Variants in FOXP2 observed in about 807,000 individuals in gnomAD.
The protein encoded by FOXP2 is forkhead box protein P2.
In FOXP2, 12 loss-of-function variants were observed where a neutral mutation model predicts 115.8. The ratio of observed to expected loss-of-function variants is 0.10; its 90% CI spans 0.07 to 0.17. The LOEUF (loss-of-function observed/expected upper bound fraction) is 0.17. Among genes scored for constraint, FOXP2 ranks in the 10% least tolerant of loss-of-function variants. The pLI is 1.00. For synonymous variants in FOXP2, 328 were observed against 297.7 expected (o/e 1.10, Z -1.05); for missense variants, 629 against 843.5 (o/e 0.75, Z 3.15).
At chr7:114,576,798 A>T (rs1170704433) in intron 3 of FOXP2, among the ~76,000 whole-genome samples, 1 of 151,980 alleles carries the variant, frequency 6.6e-6, no homozygotes, top group Non-Finnish European at 1.5e-5. Flanking sequence ...ATTTCTAAAC[A>T]TCGCTTAAGG....
At chr7:114,384,382 T>C (rs551858561) in intron 2 of FOXP2, among the ~76,000 whole-genome samples, 22 of 152,190 alleles carry the variant, frequency 1.4e-4, no homozygotes, top group Non-Finnish European at 2.8e-4. Context: ...AGGATTGAGA[T>C]AGTCTTTTGA....
chr7:114,145,827 A>C (rs1043827106), intron 1 of FOXP2, among the ~76,000 whole-genome samples: 2 of 152,206 alleles, frequency 1.3e-5, no homozygotes, highest in Admixed American at 1.3e-4. Flanking sequence ...AAAAATTTCT[A>C]TTTTAAATTA....
intron 1 of FOXP2, among the ~76,000 whole-genome samples, chr7:114,265,787 C>A (rs980548145): frequency 2.6e-5 from 4 of 152,118 alleles, no homozygotes; most frequent in African/African-American, 9.7e-5. Context: ...GCACTCTGTG[C>A]ACCCACAGGC....
In FOXP2 at chr7:114,692,542, C is replaced by T. The variant is rs1808719285; in HGVS notation, c.*2616C>T. ...TTCTAAGAAAAATGTTGCTTTAATG[C>T]ATTTCATGAATTTTTACTCTTATAT... On this transcript the variant is annotated 3_prime_UTR_variant, in exon 17 of 17. Transcript: ENST00000350908. 1 of 453,938 alleles carries T rather than the reference C, an allele frequency of 2.2e-6. No individual in the cohort carries two copies. The highest frequency in any genetic ancestry group is 7.0e-5 in the East Asian group (1 of 14,388). 28.1% of individuals were successfully genotyped at this position (453,938 alleles called of 1,614,324 possible). A position where few individuals can be genotyped will look rare whatever the true frequency, so the allele number is the denominator to read the frequency against.
chr7:114,664,383 T>G lies in FOXP2; in HGVS notation c.1950T>G (p.Asp650Glu). The change falls in exon 16 of 17, where the codon GAT becomes GAG. Residue 650 changes from aspartate (D) to glutamate (E), a missense_variant. Coordinates refer to ENST00000350908, the MANE Select transcript of FOXP2 (RefSeq NM_014491.4). ...AVHEDLNGSL[D>E]HIDSNGNSSP... ...ACGAAGACCTCAATGGTTCTCTGGA[T>G]CACATTGACAGCAATGGAAACAGTA... 6.2e-7 allele frequency: 1 copy of G among 1,613,620 alleles called. No homozygotes were observed. The highest frequency in any genetic ancestry group is 1.1e-5 in the South Asian group (1 of 91,080).
At chr7:114,402,747 C>T (rs1176827753) in intron 2 of FOXP2, among the ~76,000 whole-genome samples, 1 of 151,976 alleles carries the variant, frequency 6.6e-6, no homozygotes, top group East Asian at 1.9e-4. Flanking sequence ...CCGCCTCAGC[C>T]CCCTGAGTAG....
intron 2 of FOXP2, among the ~76,000 whole-genome samples, chr7:114,457,889 C>T (rs992660340): frequency 1.6e-5 from 2 of 127,266 alleles, no homozygotes; most frequent in African/African-American, 3.0e-5. Flanking sequence ...AGCGAGACTC[C>T]GTCTCAAAAA....
chr7:114,520,424 C>T (rs1425776912), intron 2 of FOXP2, among the ~76,000 whole-genome samples: 2 of 152,086 alleles, frequency 1.3e-5, no homozygotes, highest in African/African-American at 2.4e-5. Flanking sequence ...GACTTAAAAG[C>T]AACACTATCA....
In FOXP2 at chr7:114,693,596, A is replaced by G; in HGVS notation, c.*3670A>G. The G allele has an allele frequency of 2.2e-6, 1 of 453,140 alleles. No individual in the cohort carries two copies. Among genetic ancestry groups the G allele is most frequent in the South Asian group, 1.6e-5 (1 of 64,216 alleles). The allele number at this position is 453,140 out of a possible 1,614,324, so 28.1% of individuals were successfully genotyped here. On this transcript the variant is annotated 3_prime_UTR_variant, in exon 17 of 17. Coordinates refer to ENST00000350908, the MANE Select transcript of FOXP2 (RefSeq NM_014491.4). ...CAACGAAAGGTTTTTTTGTCCATGA[A>G]CACTTGGCATATCTTACTTAGCAAA...
intron 1 of FOXP2, among the ~76,000 whole-genome samples, chr7:114,247,616 T>C (rs1345468607): frequency 6.6e-6 from 1 of 152,182 alleles, no homozygotes; most frequent in Non-Finnish European, 1.5e-5. Context: ...TGAATGGCAG[T>C]CTTATGTCCA....
intron 2 of FOXP2, among the ~76,000 whole-genome samples, chr7:114,494,359 T>C (rs1797212890): frequency 2.0e-5 from 3 of 152,302 alleles, no homozygotes; most frequent in African/African-American, 7.2e-5. Context: ...TTCTTGTTTG[T>C]ATGTTTATGA....
intron 6 of FOXP2, among the ~76,000 whole-genome samples, chr7:114,634,066 T>A (rs1349316069): frequency 6.6e-6 from 1 of 151,852 alleles, no homozygotes; most frequent in East Asian, 1.9e-4. Flanking sequence ...GCTAACTTAG[T>A]TCACTGCAAC....
intron 2 of FOXP2, among the ~76,000 whole-genome samples, chr7:114,312,867 A>T (rs1420143386): frequency 6.6e-6 from 1 of 152,182 alleles, no homozygotes; most frequent in Admixed American, 6.5e-5. Context: ...CACACTGTAA[A>T]CACAACCCTG....
intron 1 of FOXP2, among the ~76,000 whole-genome samples, chr7:114,208,175 G>C (rs746616610): frequency 2.0e-5 from 3 of 152,142 alleles, no homozygotes; most frequent in Admixed American, 6.5e-5. Flanking sequence ...AAAGCAACAG[G>C]GGAAGAGCTG....
rs190629672 is a variant in FOXP2 at position 114,389,539 on chromosome 7, T to C, written c.-10-36963T>C. On this transcript the variant is annotated intron_variant, in intron 2 of 17. Coordinates refer to the FOXP2 transcript ENST00000634411. ...CAAAAAGAGAACTTACATGAAAACA[T>C]AGGACTTTTTTTTCATAGGAAACTA... Among the ~76,000 whole-genome samples, 253 of 152,246 alleles carry C rather than the reference T, an allele frequency of 1.7e-3. 2 individuals are homozygous for C. Among genetic ancestry groups the C allele is most frequent in the Admixed American group, 7.2e-3 (110 of 15,310 alleles).
chr7:114,464,540 T>C (rs1271501541), intron 2 of FOXP2, among the ~76,000 whole-genome samples: 1 of 152,172 alleles, frequency 6.6e-6, no homozygotes, highest in African/African-American at 2.4e-5. Context: ...ATAATGTAGT[T>C]GGGTAGATCA....
intron 1 of FOXP2, among the ~76,000 whole-genome samples, chr7:114,144,313 T>G (rs1792304804): frequency 6.6e-6 from 1 of 152,178 alleles, no homozygotes; most frequent in Non-Finnish European, 1.5e-5. Context: ...ATTTACAAAT[T>G]AAACTATATA....
chr7:114,650,343 GT>G (rs1806178551), intron 8 of FOXP2, among the ~76,000 whole-genome samples: 1 of 151,706 alleles, frequency 6.6e-6, no homozygotes, highest in African/African-American at 2.4e-5. Flanking sequence ...CCTAATCTCA[GT>G]GTATAACTGA....
chr7:114,492,859 G>C (rs2129245307), intron 2 of FOXP2, among the ~76,000 whole-genome samples: 1 of 152,130 alleles, frequency 6.6e-6, no homozygotes, highest in South Asian at 2.1e-4. Context: ...GAATAGGTGT[G>C]GTGTGGTGCT....
Sources: allele counts gnomAD v4.1 joint callset (sites outside exome capture counted in the v4.1 genomes callset), GRCh38; gene constraint gnomAD v4.1.1; transcripts MANE v1.5; gene names NCBI Gene and HGNC (gene_info 2026-07-23, HGNC 2026-07-21).